Variants in WWOX observed in about 807,000 individuals in gnomAD.
The protein encoded by WWOX is WW domain containing oxidoreductase.
In WWOX, 69 loss-of-function variants were observed where a neutral mutation model predicts 46.2. The observed-to-expected ratio is 1.49, with a 90% CI of 1.23 to 1.82. The LOEUF (loss-of-function observed/expected upper bound fraction) is 1.82, where lower values mean the gene tolerates loss of function less well. Ranked by LOEUF, WWOX falls within the 40% of genes most tolerant of loss-of-function variation. WWOX has a pLI of 0.00. For missense variants in WWOX, 919 were observed against 542.6 expected (o/e 1.69, Z -6.89); for synonymous variants, 359 against 202.6 (o/e 1.77, Z -6.56).
At position 78,507,212 on chromosome 16, in the gene WWOX, A is replaced by G. The variant is rs183947914; in HGVS notation, c.1056+74460A>G. ...CATGAGTGATTTCTGTGTGCTGACT[A>G]TATTTAAAGACAAGATTAGCAGTAA... On this transcript the variant is annotated intron_variant, in intron 8 of 8. Transcript: ENST00000566780. Among the ~76,000 whole-genome samples, 20 of 152,374 alleles carry G rather than the reference A, an allele frequency of 1.3e-4. No individual in the cohort carries two copies. In the South Asian group the frequency reaches 2.1e-3, roughly 16 times the overall value.
At chr16:78,926,031 A>T (rs1460512409) in intron 8 of WWOX, among the ~76,000 whole-genome samples, 1 of 152,206 alleles carries the variant, frequency 6.6e-6, no homozygotes, top group African/African-American at 2.4e-5. Context: ...TCTATGAACA[A>T]TTCTGGAGAC....
At chr16:78,397,152 G>A (rs1483377604) in intron 6 of WWOX, among the ~76,000 whole-genome samples, 1 of 152,182 alleles carries the variant, frequency 6.6e-6, no homozygotes, top group African/African-American at 2.4e-5. Flanking sequence ...GAAGAGGAAA[G>A]AGTTTAAGTG....
In WWOX at chr16:78,811,369, C is replaced by G. The variant is rs373217872; in HGVS notation, c.1056+378617C>G. 1.2e-4 allele frequency among the ~76,000 whole-genome samples: 19 copies of G among 152,180 alleles called. No individual in the cohort carries two copies. The East Asian group carries it at 2.7e-3, about 22-fold the overall frequency. On this transcript the variant is annotated intron_variant, in intron 8 of 8. Transcript: ENST00000566780. The stretch of plus-strand genomic sequence containing the variant: ...CTAGTATATTTATGTCACTAGAATT[C>G]CTTTGAGAAGCTATCACTGTGTACA...
intron 8 of WWOX, among the ~76,000 whole-genome samples, chr16:78,937,248 C>G (rs778162435): frequency 1.1e-4 from 17 of 151,982 alleles, no homozygotes; most frequent in Admixed American, 9.2e-4. Flanking sequence ...TCAAATTTAC[C>G]TGAAAGTGAC....
At chr16:78,477,034 A>G (rs2084367372) in intron 8 of WWOX, among the ~76,000 whole-genome samples, 1 of 152,114 alleles carries the variant, frequency 6.6e-6, no homozygotes, top group African/African-American at 2.4e-5. Flanking sequence ...TAAATTATTT[A>G]TACATTTAAC....
At chr16:78,592,301 G>C (rs2045370177) in intron 8 of WWOX, among the ~76,000 whole-genome samples, 1 of 152,186 alleles carries the variant, frequency 6.6e-6, no homozygotes. Flanking sequence ...CTTCTGCCAA[G>C]ATGTGGAATT....
rs2038153203 is a variant in WWOX, at chr16:78,257,114, G to A, written c.516+92825G>A. On this transcript the variant is annotated intron_variant, in intron 5 of 8. Transcript: ENST00000566780. Reference sequence around the variant, plus strand: ...ACCACATACAGGCTCGTGGCGTGGGGTCTTCATCTGGCTACTAGATTGTTT... The same window carrying A: ...ACCACATACAGGCTCGTGGCGTGGGATCTTCATCTGGCTACTAGATTGTTT... 3.3e-5 allele frequency among the ~76,000 whole-genome samples: 5 copies of A among 152,108 alleles called. No homozygotes were observed. The South Asian group carries it at 1.0e-3, about 32-fold the overall frequency.
In WWOX at chr16:79,113,442, A is replaced by G. The variant is rs192335782; in HGVS notation, c.1057-98166A>G. On this transcript the variant is annotated intron_variant, in intron 8 of 8. Coordinates refer to ENST00000566780, the MANE Select transcript of WWOX (RefSeq NM_016373.4). ...GCTCTCAGGACATTCACATCCAGGC[A>G]CTTCTGGTCCACACCTTGGTACAAC... is the stretch of plus-strand genomic sequence containing the variant. 1.4e-4 allele frequency among the ~76,000 whole-genome samples: 21 copies of G among 152,364 alleles called. No homozygotes were observed. In the East Asian group the frequency reaches 3.7e-3, roughly 27 times the overall value.
At chr16:78,917,694 C>G (rs1431977274) in intron 8 of WWOX, among the ~76,000 whole-genome samples, 1 of 151,962 alleles carries the variant, frequency 6.6e-6, no homozygotes, top group Non-Finnish European at 1.5e-5. Context: ...TGTGACTACT[C>G]GTGGGCAGGG....
intron 8 of WWOX, among the ~76,000 whole-genome samples, chr16:79,005,582 G>C (rs1222700026): frequency 6.6e-6 from 1 of 152,062 alleles, no homozygotes; most frequent in African/African-American, 2.4e-5. Context: ...TTTGGTGTTT[G>C]GGGCATGTTG....
At chr16:79,205,756 C>T (rs111395027) in intron 8 of WWOX, 1 of 152,092 alleles carries the variant, frequency 6.6e-6, no homozygotes, top group South Asian at 2.1e-4. Flanking sequence ...TTGTGGGAGT[C>T]AGTTGTCAGG....
chr16:79,188,397 G>T (rs963288981), intron 8 of WWOX, among the ~76,000 whole-genome samples: 9 of 152,140 alleles, frequency 5.9e-5, no homozygotes, highest in African/African-American at 1.9e-4. Context: ...TTCGGTAACT[G>T]TGTTACTAAA....
intron 8 of WWOX, among the ~76,000 whole-genome samples, chr16:78,501,168 T>A: frequency 1.0e-5 from 1 of 96,546 alleles, no homozygotes; most frequent in Non-Finnish European, 2.1e-5. Flanking sequence ...GCAATACATG[T>A]TTTTCTTTCT....
intron 8 of WWOX, among the ~76,000 whole-genome samples, chr16:79,096,531 C>T (rs1462065330): frequency 6.6e-6 from 1 of 152,212 alleles, no homozygotes. Flanking sequence ...CATCCTTTCT[C>T]TGTTACCTTC....
At chr16:78,615,236 A>T (rs1258524898) in intron 8 of WWOX, among the ~76,000 whole-genome samples, 2 of 152,166 alleles carry the variant, frequency 1.3e-5, no homozygotes, top group African/African-American at 4.8e-5. Context: ...ACCACTGTTG[A>T]AGGCGCTAAT....
intron 8 of WWOX, among the ~76,000 whole-genome samples, chr16:79,133,275 A>G (rs2150700210): frequency 6.6e-6 from 1 of 152,296 alleles, no homozygotes; most frequent in South Asian, 2.1e-4. Context: ...CCTTCAGATC[A>G]CAGCCCTTTA....
chr16:79,014,445 A>G (rs2047373271), intron 8 of WWOX, among the ~76,000 whole-genome samples: 1 of 152,174 alleles, frequency 6.6e-6, no homozygotes, highest in African/African-American at 2.4e-5. Context: ...ATCGTCCCTC[A>G]ATTTTCCGTG....
chr16:78,295,036 A>G (rs1179991542), intron 5 of WWOX, among the ~76,000 whole-genome samples: 3 of 152,182 alleles, frequency 2.0e-5, no homozygotes. Flanking sequence ...TGCCCAGGAC[A>G]GGCTCACCCT....
At chr16:78,232,956 C>T (rs914350907) in intron 5 of WWOX, among the ~76,000 whole-genome samples, 7 of 152,132 alleles carry the variant, frequency 4.6e-5, no homozygotes, top group Non-Finnish European at 7.3e-5. Context: ...ATTCTCCTGC[C>T]TCAGCCTCCC....
Sources: gnomAD v4.1 joint callset for allele counts (sites outside exome capture counted in the v4.1 genomes callset) on GRCh38, gnomAD v4.1.1 for gene constraint, MANE v1.5 for transcripts, NCBI Gene and HGNC (gene_info 2026-07-23, HGNC 2026-07-21) for gene names.